The following PCDH15 variants were observed in gnomAD, a reference collection of about 807,000 sequenced individuals.
PCDH15 encodes protocadherin related 15, also known as protocadherin-15.
Under a neutral mutation model 178.5 loss-of-function variants are expected in PCDH15, and 129 were observed. The ratio of observed to expected loss-of-function variants is 0.72; its 90% CI spans 0.63 to 0.84. The LOEUF is 0.84. Ranked by LOEUF, PCDH15 falls within the 40% of genes least tolerant of loss-of-function variation. PCDH15 has a pLI of 0.00. For synonymous variants in PCDH15, 800 were observed against 732.0 expected, an observed-to-expected ratio of 1.09 and a Z score of -1.50; for missense variants, 2,230 against 2,099.9, an observed-to-expected ratio of 1.06 and a Z score of -1.21.
chr10:54,368,072 C>T (rs1287130612), intron 5 of PCDH15, among the ~76,000 whole-genome samples: 2 of 151,828 alleles, frequency 1.3e-5, no homozygotes, highest in South Asian at 2.1e-4. Context: ...AAGCATTTAT[C>T]GACCAGTAAT....
chr10:54,010,218 A>C (rs893182246), intron 20 of PCDH15, among the ~76,000 whole-genome samples: 1 of 150,386 alleles, frequency 6.6e-6, no homozygotes, highest in African/African-American at 2.4e-5. Context: ...ACTAATGCCG[A>C]CCCCCAACAC....
chr10:55,440,226 C>G (rs115097932), intron 2 of PCDH15, among the ~76,000 whole-genome samples: 7 of 152,060 alleles, frequency 4.6e-5, no homozygotes, highest in Non-Finnish European at 5.9e-5. Context: ...GAACAAAGTA[C>G]GACACCAAAC....
At position 53,806,791 on chromosome 10, in the gene PCDH15, C is replaced by T. The variant is rs761434558; in HGVS notation, c.5011G>A (p.Val1671Ile). ...CCCACAGGGCAAGGGGCAAATGTAA[C>T]CAGAGTTGGTCTTGCATTCATTTTT... ...TEKMNARPTL[V>I]TFAPCPVGTD... The change falls in exon 38 of 38, where the codon GTT becomes ATT. Residue 1671 changes from valine (V) to isoleucine (I), a missense_variant. Val to Ile is a conservative substitution (Grantham distance 29). Transcript: ENST00000644397. The T allele has an allele frequency of 3.7e-6, 6 of 1,613,848 alleles. No homozygotes were observed. The highest frequency in any genetic ancestry group is 5.1e-6 in the Non-Finnish European group (6 of 1,179,806).
intron 1 of PCDH15, among the ~76,000 whole-genome samples, chr10:54,800,263 G>T (rs1952532330): frequency 6.6e-6 from 1 of 152,262 alleles, no homozygotes; most frequent in Non-Finnish European, 1.5e-5. Flanking sequence ...ACATCACAAA[G>T]TGGGAAAGCT....
At chr10:55,042,652 G>A (rs999266778) in intron 2 of PCDH15, among the ~76,000 whole-genome samples, 2 of 152,004 alleles carry the variant, frequency 1.3e-5, no homozygotes, top group Admixed American at 6.6e-5. Context: ...ACAAGTCAAA[G>A]GGATATATAT....
At chr10:55,349,159 A>T (rs1017695503) in intron 2 of PCDH15, among the ~76,000 whole-genome samples, 1 of 152,132 alleles carries the variant, frequency 6.6e-6, no homozygotes, top group African/African-American at 2.4e-5. Flanking sequence ...GTCATGGACC[A>T]GGAAGACAGT....
chr10:54,994,480 G>C (rs1839585516), intron 2 of PCDH15, among the ~76,000 whole-genome samples: 1 of 152,036 alleles, frequency 6.6e-6, no homozygotes, highest in Non-Finnish European at 1.5e-5. Flanking sequence ...TATATTTCTA[G>C]GTATAGTCTA....
At chr10:55,167,793 C>G (rs893226963) in intron 1 of PCDH15, among the ~76,000 whole-genome samples, 4 of 151,984 alleles carry the variant, frequency 2.6e-5, no homozygotes, top group Admixed American at 6.6e-5. Flanking sequence ...TTTCTTACAA[C>G]CAAAGTTTGG....
intron 2 of PCDH15, among the ~76,000 whole-genome samples, chr10:54,576,288 T>C (rs1490068798): frequency 6.6e-6 from 1 of 152,210 alleles, no homozygotes; most frequent in Non-Finnish European, 1.5e-5. Context: ...AAATTAGCAT[T>C]GGATATGTAG....
At chr10:54,799,137 G>A (rs550073851) in intron 1 of PCDH15, among the ~76,000 whole-genome samples, 1 of 152,180 alleles carries the variant, frequency 6.6e-6, no homozygotes, top group South Asian at 2.1e-4. Context: ...TAATTATAGT[G>A]ATTTCCTTTG....
At chr10:54,400,462 T>C (rs1341754484) in intron 3 of PCDH15, among the ~76,000 whole-genome samples, 2 of 152,104 alleles carry the variant, frequency 1.3e-5, no homozygotes, top group Non-Finnish European at 1.5e-5. Flanking sequence ...TTGAAAGTTA[T>C]AAAATGCATG....
At chr10:53,932,574 T>C (rs1411469063) in intron 25 of PCDH15, among the ~76,000 whole-genome samples, 1 of 152,208 alleles carries the variant, frequency 6.6e-6, no homozygotes, top group Non-Finnish European at 1.5e-5. Flanking sequence ...CCAGCCATTG[T>C]ATTTTGGGGA....
intron 2 of PCDH15, among the ~76,000 whole-genome samples, chr10:54,636,681 A>T (rs1427955520): frequency 2.0e-5 from 3 of 151,946 alleles, no homozygotes; most frequent in Non-Finnish European, 4.4e-5. Context: ...CATGGGCAGG[A>T]GGTCACGTCA....
At chr10:55,249,716 A>G (rs193073762) in intron 1 of PCDH15, among the ~76,000 whole-genome samples, 41 of 152,260 alleles carry the variant, frequency 2.7e-4, no homozygotes, top group African/African-American at 8.4e-4. Flanking sequence ...GTAAAAGTTA[A>G]CAAATATATG....
intron 10 of PCDH15, among the ~76,000 whole-genome samples, chr10:54,198,116 T>C (rs2049858108): frequency 6.6e-6 from 1 of 152,170 alleles, no homozygotes; most frequent in African/African-American, 2.4e-5. Context: ...TCTGGGATTA[T>C]GTATCCATCT....
At chr10:54,613,261 G>A (rs1444741059) in intron 2 of PCDH15, among the ~76,000 whole-genome samples, 1 of 151,718 alleles carries the variant, frequency 6.6e-6, no homozygotes, top group Admixed American at 6.6e-5. Context: ...CTAAAATGAA[G>A]AGAAAGAAAC....
intron 27 of PCDH15, among the ~76,000 whole-genome samples, chr10:53,865,558 G>A (rs1477411641): frequency 6.6e-6 from 1 of 152,172 alleles, no homozygotes; most frequent in Non-Finnish European, 1.5e-5. Context: ...CTAATAAAAA[G>A]TGTTTACCGA....
chr10:54,704,168 G>T (rs2095342297), intron 1 of PCDH15, among the ~76,000 whole-genome samples: 1 of 152,072 alleles, frequency 6.6e-6, no homozygotes, highest in Admixed American at 6.6e-5. Flanking sequence ...GATAACCCAA[G>T]AAATACCATT....
At chr10:54,847,136 T>C (rs1384685033) in intron 3 of PCDH15, among the ~76,000 whole-genome samples, 1 of 152,188 alleles carries the variant, frequency 6.6e-6, no homozygotes, top group African/African-American at 2.4e-5. Flanking sequence ...TCTTTTTAAA[T>C]ATGTGAAAAA....
Sources: allele counts gnomAD v4.1 joint callset (sites outside exome capture counted in the v4.1 genomes callset), GRCh38; gene constraint gnomAD v4.1.1; transcripts MANE v1.5; gene names NCBI Gene and HGNC (gene_info 2026-07-23, HGNC 2026-07-21).